The following RIMBP2 variants were observed in gnomAD, a reference collection of about 807,000 sequenced individuals.
The protein encoded by RIMBP2 is RIMS-binding protein 2.
RIMBP2 carries 48 observed loss-of-function variants against 118.6 expected under a neutral mutation model. The ratio of observed to expected loss-of-function variants is 0.40; its 90% CI spans 0.32 to 0.51. The LOEUF is 0.51. Ranked by LOEUF, RIMBP2 falls within the 20% of genes least tolerant of loss-of-function variation. RIMBP2 has a pLI of 0.41. For missense variants in RIMBP2, 1,551 were observed against 1,768.3 expected (o/e 0.88, Z 2.20); for synonymous variants, 762 against 742.9 (o/e 1.03, Z -0.42).
intron 3 of RIMBP2, among the ~76,000 whole-genome samples, chr12:130,513,633 T>C (rs990709445): frequency 2.0e-5 from 3 of 152,230 alleles, no homozygotes; most frequent in Non-Finnish European, 4.4e-5. Context: ...TTCTTTGCAC[T>C]ATGTCTTGGA....
chr12:130,439,287 GTA>G (rs1408418556), intron 11 of RIMBP2, among the ~76,000 whole-genome samples: 3 of 152,014 alleles, frequency 2.0e-5, no homozygotes, highest in South Asian at 2.1e-4. Context: ...CATTGTGTGT[GTA>G]TATGTGGGTG....
chr12:130,640,124 C>T (rs922263989), intron 1 of RIMBP2, among the ~76,000 whole-genome samples: 1 of 152,154 alleles, frequency 6.6e-6, no homozygotes, highest in African/African-American at 2.4e-5. Flanking sequence ...TTCTCGATCA[C>T]AGACATTTCA....
chr12:130,449,481 G>A (rs115696223), intron 9 of RIMBP2, among the ~76,000 whole-genome samples: 2,058 of 152,282 alleles, frequency 0.014, 46 homozygotes, highest in African/African-American at 0.047. Flanking sequence ...GCAGCGAGAT[G>A]CAGCCTGCAG....
At chr12:130,572,637 G>A (rs759793412) in intron 2 of RIMBP2, among the ~76,000 whole-genome samples, 1 of 151,956 alleles carries the variant, frequency 6.6e-6, no homozygotes, top group Non-Finnish European at 1.5e-5. Context: ...AGAAAGCACT[G>A]CTACAAAACA....
intron 2 of RIMBP2, among the ~76,000 whole-genome samples, chr12:130,587,836 A>T (rs1417224968): frequency 6.6e-6 from 1 of 150,578 alleles, no homozygotes; most frequent in African/African-American, 2.4e-5. Context: ...TAATAAAAAA[A>T]AAAAAAGAAA....
intron 7 of RIMBP2, among the ~76,000 whole-genome samples, chr12:130,453,677 G>T (rs4759684): frequency 0.3 from 44,962 of 152,090 alleles, 7,088 homozygotes; most frequent in Non-Finnish European, 0.34. Context: ...GTTTCCAGGG[G>T]CCGGGCCGGG....
chr12:130,638,765 A>C (rs374255275), intron 1 of RIMBP2, among the ~76,000 whole-genome samples: 33 of 145,176 alleles, frequency 2.3e-4, no homozygotes, highest in African/African-American at 7.0e-4. Flanking sequence ...GGAGATCGTT[A>C]AAAAAAAAAA....
intron 2 of RIMBP2, among the ~76,000 whole-genome samples, chr12:130,545,572 T>C (rs539152090): frequency 6.6e-6 from 1 of 152,348 alleles, no homozygotes; most frequent in South Asian, 2.1e-4. Flanking sequence ...AAATGTAAAA[T>C]TGCATTCGTG....
At position 130,434,673 on chromosome 12, in the gene RIMBP2, CG is replaced by C; in HGVS notation, c.2253+60del. On this transcript the variant is annotated intron_variant, in intron 14 of 22. Coordinates refer to ENST00000690449, the MANE Select transcript of RIMBP2 (RefSeq NM_001393629.1). The surrounding 1 kb of genome is among the most constrained non-coding windows in gnomAD (Gnocchi z 5.7). ...AAGTGCCCATGTCTCTTGATCTCCA[CG>C]GGGCCCGCTCCGAGCCCGCGCCCAC... 6.5e-7 allele frequency: 1 copy of C among 1,541,410 alleles called. No individual in the cohort carries two copies. The highest frequency in any genetic ancestry group is 8.7e-7 in the Non-Finnish European group (1 of 1,145,978).
intron 1 of RIMBP2, among the ~76,000 whole-genome samples, chr12:130,664,393 A>ACG (rs1566438802): frequency 6.8e-5 from 4 of 58,404 alleles, no homozygotes; most frequent in African/African-American, 9.6e-5. Context: ...GCGCATGCAC[A>ACG]CACACGCACG....
At position 130,560,460 on chromosome 12, in the gene RIMBP2, C is replaced by T. The variant is rs567896000; in HGVS notation, c.-216-42543G>A. ...CTCCACCCACTGGATGCCACTAGAC[C>T]CCCCACCGGTAGTGACCACCCAAAA... is the stretch of plus-strand genomic sequence containing the variant. On this transcript the variant is annotated intron_variant, in intron 2 of 22. Coordinates refer to ENST00000690449, the MANE Select transcript of RIMBP2 (RefSeq NM_001393629.1). Among the ~76,000 whole-genome samples the T allele has an allele frequency of 4.6e-5, 7 of 152,146 alleles. No individual in the cohort carries two copies. The South Asian group carries it at 1.5e-3, about 32-fold the overall frequency.
intron 5 of RIMBP2, among the ~76,000 whole-genome samples, chr12:130,476,497 C>G (rs560006119): frequency 6.6e-6 from 1 of 152,280 alleles, no homozygotes; most frequent in Non-Finnish European, 1.5e-5. Context: ...CTCTGTGCCT[C>G]AGGCCCAAAT....
At position 130,420,880 on chromosome 12, in the gene RIMBP2, A is replaced by G. The variant is rs1323849997; in HGVS notation, c.3238+1573T>C. The G allele has an allele frequency of 6.6e-6, 1 of 152,132 alleles. No homozygotes were observed. Among genetic ancestry groups the G allele is most frequent in the Admixed American group, 6.6e-5 (1 of 15,264 alleles). The allele number at this position is 152,132 out of a possible 1,614,324, so 9.4% of individuals were successfully genotyped here. A position where few individuals can be genotyped will look rare whatever the true frequency, so the allele number is the denominator to read the frequency against. ...CAGTCCTAGGAGACTGGAGTAGAAG[A>G]CCTACCATGCCTCTTCCAAAGGACG... is the stretch of plus-strand genomic sequence containing the variant. On this transcript the variant is annotated intron_variant, in intron 17 of 22. Coordinates refer to ENST00000690449, the MANE Select transcript of RIMBP2 (RefSeq NM_001393629.1). The surrounding 1 kb of genome is among the most constrained non-coding windows in gnomAD (Gnocchi z 4.3).
At chr12:130,566,431 A>T (rs990598902) in intron 2 of RIMBP2, among the ~76,000 whole-genome samples, 2 of 152,216 alleles carry the variant, frequency 1.3e-5, no homozygotes, top group Admixed American at 6.5e-5. Flanking sequence ...CAGAATAGAG[A>T]AGCTGTGATA....
chr12:130,625,133 G>T (rs1363577883), intron 2 of RIMBP2, among the ~76,000 whole-genome samples: 1 of 152,012 alleles, frequency 6.6e-6, no homozygotes, highest in Non-Finnish European at 1.5e-5. Context: ...GGGTAATTAG[G>T]ATATTTATTA....
chr12:130,696,049 G>A lies in RIMBP2; in HGVS notation c.-352+20173C>T, dbSNP rs2065555358. 2.0e-5 allele frequency among the ~76,000 whole-genome samples: 3 copies of A among 152,182 alleles called. No homozygotes were observed. In the South Asian group the frequency reaches 6.2e-4, roughly 32 times the overall value. On this transcript the variant is annotated intron_variant, in intron 1 of 22. Coordinates refer to ENST00000690449, the MANE Select transcript of RIMBP2 (RefSeq NM_001393629.1). ...GATGTGCATTGGGTCACCAAGGGGA[G>A]ATGCTACATGGGCAACTGATCACCT...
At chr12:130,491,721 T>G (rs2048660577) in intron 4 of RIMBP2, among the ~76,000 whole-genome samples, 1 of 152,200 alleles carries the variant, frequency 6.6e-6, no homozygotes, top group African/African-American at 2.4e-5. Context: ...ACACCGGGCT[T>G]CCGCCTCCCC....
chr12:130,704,617 G>A (rs2066009091), intron 1 of RIMBP2, among the ~76,000 whole-genome samples: 1 of 152,054 alleles, frequency 6.6e-6, no homozygotes, highest in Non-Finnish European at 1.5e-5. Flanking sequence ...GGCTTCTAAA[G>A]GGAAGTTTTT....
At chr12:130,664,719 C>T (rs1382623780) in intron 1 of RIMBP2, among the ~76,000 whole-genome samples, 2 of 151,802 alleles carry the variant, frequency 1.3e-5, no homozygotes, top group Non-Finnish European at 2.9e-5. Context: ...ATGACAGCCA[C>T]GTGTCCAAAA....
Sources: allele counts gnomAD v4.1 joint callset (sites outside exome capture counted in the v4.1 genomes callset), GRCh38; gene constraint gnomAD v4.1.1; non-coding constraint Gnocchi (gnomAD v3.1); transcripts MANE v1.5; gene names NCBI Gene and HGNC (gene_info 2026-07-23, HGNC 2026-07-21).